Variants in CWF19L2 observed in about 807,000 individuals in gnomAD.
CWF19L2 encodes the protein CWF19-like protein 2.
CWF19L2 carries 98 observed loss-of-function variants against 111.7 expected under a neutral mutation model. That is an observed-to-expected ratio of 0.88 (90% CI 0.75 to 1.04). CWF19L2 has a LOEUF of 1.04. Among genes scored for constraint, CWF19L2 ranks in the 50% least tolerant of loss-of-function variants. CWF19L2 has a pLI of 0.00. For synonymous variants in CWF19L2, 351 were observed against 342.9 expected (o/e 1.02, Z -0.26); for missense variants, 1,101 against 1,051.4 (o/e 1.05, Z -0.65).
At chr11:107,358,708 G>C (rs947408828) in intron 12 of CWF19L2, among the ~76,000 whole-genome samples, 2 of 152,182 alleles carry the variant, frequency 1.3e-5, no homozygotes, top group Non-Finnish European at 2.9e-5. Context: ...GAGTTGAGAG[G>C]ATTAGCTAAT....
chr11:107,359,036 G>A (rs554314487), intron 12 of CWF19L2, among the ~76,000 whole-genome samples: 11 of 151,196 alleles, frequency 7.3e-5, no homozygotes, highest in African/African-American at 2.2e-4. Context: ...TCCTATCATC[G>A]TCTCAAAGCT....
At chr11:107,415,711 G>A (rs935889391) in intron 10 of CWF19L2, among the ~76,000 whole-genome samples, 11 of 152,178 alleles carry the variant, frequency 7.2e-5, no homozygotes, top group African/African-American at 1.7e-4. Flanking sequence ...CTGATAGAAT[G>A]TAAGAGAATA....
chr11:107,376,044 C>T (rs1192442786), intron 12 of CWF19L2, among the ~76,000 whole-genome samples: 1 of 122,270 alleles, frequency 8.2e-6, no homozygotes, highest in Non-Finnish European at 1.7e-5. Context: ...GACACATACA[C>T]TCTCCCAAGA....
At chr11:107,412,181 G>A (rs1766516764) in intron 10 of CWF19L2, among the ~76,000 whole-genome samples, 1 of 152,132 alleles carries the variant, frequency 6.6e-6, no homozygotes, top group South Asian at 2.1e-4. Flanking sequence ...GAAAGAAACA[G>A]GTATAAATGA....
intron 10 of CWF19L2, among the ~76,000 whole-genome samples, chr11:107,398,158 A>G (rs1268168889): frequency 6.6e-6 from 1 of 152,174 alleles, no homozygotes; most frequent in African/African-American, 2.4e-5. Flanking sequence ...TTCGCCAGCA[A>G]TGGATCCAAA....
chr11:107,349,735 C>T (rs1357064706), intron 13 of CWF19L2, among the ~76,000 whole-genome samples: 1 of 151,912 alleles, frequency 6.6e-6, no homozygotes, highest in Non-Finnish European at 1.5e-5. Flanking sequence ...AAATATTTTG[C>T]ATGGCAGACA....
At position 107,392,872 on chromosome 11, in the gene CWF19L2, G is replaced by C. The variant is rs746581809; in HGVS notation, c.1641C>G (p.Ile547Met). The change falls in exon 11 of 18, where the codon ATC becomes ATG. Residue 547 changes from isoleucine to methionine, a missense_variant. Coordinates refer to ENST00000282251, the MANE Select transcript of CWF19L2 (RefSeq NM_152434.3). ...TTCCAGACTGATCTGTTCTGACAAG[G>C]ATTACTTCTTGCTGGTCTTCATTCT... is the stretch of plus-strand genomic sequence containing the variant. The part of the protein sequence containing the change: ...GVENEDQQEV[I>M]LVRTDQSGRV... The C allele has an allele frequency of 3.8e-6, 6 of 1,568,650 alleles. No homozygotes were observed. Among genetic ancestry groups the C allele is most frequent in the Middle Eastern group, 1.7e-4 (1 of 5,996 alleles).
chr11:107,419,358 G>C (rs892130554), intron 8 of CWF19L2, among the ~76,000 whole-genome samples: 3 of 152,078 alleles, frequency 2.0e-5, no homozygotes, highest in East Asian at 1.9e-4. Flanking sequence ...AAATATTCCA[G>C]AACAAAGCTC....
intron 12 of CWF19L2, among the ~76,000 whole-genome samples, chr11:107,385,333 C>A (rs376806480): frequency 1.2e-4 from 16 of 136,346 alleles, no homozygotes; most frequent in South Asian, 6.8e-4. Flanking sequence ...AAAAAAAAAA[C>A]AATTTGCTTG....
At chr11:107,442,708 G>C (rs1861635219) in intron 4 of CWF19L2, among the ~76,000 whole-genome samples, 1 of 133,968 alleles carries the variant, frequency 7.5e-6, no homozygotes, top group Non-Finnish European at 1.7e-5. Flanking sequence ...GAGAGAAAGA[G>C]AGAGAGAGAG....
Position 107,442,968 on chromosome 11 carries a change from A to G in CWF19L2, c.421T>C (p.Ser141Pro). The change falls in exon 4 of 18, where the codon TCA (serine) becomes CCA (proline). Residue 141 changes from serine (S) to proline (P), a missense_variant. Transcript: ENST00000282251. ...EKAWKVKDEK[S>P]GKDDTQIIKR... ...ATAATTTGGGTGTCATCTTTTCCTG[A>G]CTTTTCATCTTTCACTTTCCAGGCT... 1 of 1,551,326 alleles carries G rather than the reference A, an allele frequency of 6.4e-7. No individual in the cohort carries two copies. Among genetic ancestry groups the G allele is most frequent in the Non-Finnish European group, 8.7e-7 (1 of 1,146,578 alleles).
At chr11:107,351,194 G>T (rs1317273916) in intron 13 of CWF19L2, among the ~76,000 whole-genome samples, 2 of 152,122 alleles carry the variant, frequency 1.3e-5, no homozygotes, top group Admixed American at 6.5e-5. Context: ...CTTGAACCAG[G>T]GTGGTAGAAA....
At chr11:107,346,070 A>G (rs1189483862) in intron 14 of CWF19L2, among the ~76,000 whole-genome samples, 1 of 152,154 alleles carries the variant, frequency 6.6e-6, no homozygotes, top group Non-Finnish European at 1.5e-5. Context: ...AGTTTAAGGA[A>G]ACTATACTGC....
At chr11:107,442,404 A>G (rs61906057) in intron 4 of CWF19L2, among the ~76,000 whole-genome samples, 27,270 of 151,982 alleles carry the variant, frequency 0.18, 2,534 homozygotes, top group South Asian at 0.25. Context: ...GTGATAGGCC[A>G]GGTGCAGTGG....
chr11:107,413,199 C>CG (rs34011090), intron 10 of CWF19L2, among the ~76,000 whole-genome samples: 1 of 152,014 alleles, frequency 6.6e-6, no homozygotes, highest in Non-Finnish European at 1.5e-5. Context: ...CTATTGATAA[C>CG]GGGGGAGGCT....
At chr11:107,453,327 G>A (rs1179868967) in intron 3 of CWF19L2, among the ~76,000 whole-genome samples, 2 of 152,068 alleles carry the variant, frequency 1.3e-5, no homozygotes, top group East Asian at 1.9e-4. Flanking sequence ...TGGTTGGGGG[G>A]CAACTGGTGC....
At chr11:107,358,782 C>CT (rs1459620685) in intron 12 of CWF19L2, among the ~76,000 whole-genome samples, 1 of 152,140 alleles carries the variant, frequency 6.6e-6, no homozygotes, top group African/African-American at 2.4e-5. Context: ...TTAGTCAATT[C>CT]TGTGAGTCTT....
chr11:107,334,772 T>C, intron 16 of CWF19L2, 109 bp downstream of exon 16: 1 of 733,768 alleles, frequency 1.4e-6, no homozygotes, highest in Non-Finnish European at 2.4e-6. Flanking sequence ...ACTAGTAATT[T>C]CGCCTTCAGT....
chr11:107,406,066 T>C (rs1207473891), intron 10 of CWF19L2, among the ~76,000 whole-genome samples: 2 of 152,170 alleles, frequency 1.3e-5, no homozygotes, highest in African/African-American at 4.8e-5. Flanking sequence ...GACATTGTTA[T>C]TATTTGGTAT....
Sources: gnomAD v4.1 joint callset for allele counts (sites outside exome capture counted in the v4.1 genomes callset) on GRCh38, gnomAD v4.1.1 for gene constraint, MANE v1.5 for transcripts, NCBI Gene and HGNC (gene_info 2026-07-23, HGNC 2026-07-21) for gene names.